Variants in CREB5 observed in about 807,000 individuals in gnomAD.
CREB5 encodes the protein cyclic AMP-responsive element-binding protein 5.
Under a neutral mutation model 57.1 loss-of-function variants are expected in CREB5, and 19 were observed. The observed-to-expected ratio is 0.33, with a 90% CI of 0.23 to 0.49. CREB5 has a LOEUF of 0.49. Among genes scored for constraint, CREB5 ranks in the 20% least tolerant of loss-of-function variants. The pLI, the probability that CREB5 is intolerant of heterozygous loss-of-function variation, is 0.99. For missense variants in CREB5, 579 were observed against 671.6 expected, an observed-to-expected ratio of 0.86 and a Z score of 1.52; for synonymous variants, 238 against 238.3, an observed-to-expected ratio of 1.00 and a Z score of 0.01.
intron 1 of CREB5, among the ~76,000 whole-genome samples, chr7:28,315,637 A>G (rs771775235): frequency 1.1e-4 from 16 of 152,304 alleles, no homozygotes; most frequent in Middle Eastern, 6.8e-3. Context: ...CCTCCCAGAA[A>G]GGGTTCTTTT....
At position 28,560,855 on chromosome 7, in the gene CREB5, TGTGCGTGTGCCTGCGTGCGCGTGCGTGC is replaced by T. The variant is rs1455703402; in HGVS notation, c.292-9500_292-9473del. 3.5e-5 allele frequency among the ~76,000 whole-genome samples: 2 copies of T among 56,388 alleles called. 1 individual carries two copies. Among genetic ancestry groups the T allele is most frequent in the Non-Finnish European group, 7.0e-5 (2 of 28,482 alleles). 37.0% of individuals were successfully genotyped at this position (56,388 alleles called of 152,430 possible). A position where few individuals can be genotyped will look rare whatever the true frequency, so the allele number is the denominator to read the frequency against. ...GCGCGTGTGTGTGTGCGCGTGTGTG[TGTGCGTGTGCCTGCGTGCGCGTGCGTGC>T]GTGCGTGTGTGTGCGTGCGCGCGTG... On this transcript the variant is annotated intron_variant, in intron 4 of 10. Coordinates refer to ENST00000357727, the MANE Select transcript of CREB5 (RefSeq NM_182898.4).
intron 1 of CREB5, among the ~76,000 whole-genome samples, chr7:28,418,754 C>T (rs1426006915): frequency 1.3e-5 from 2 of 152,138 alleles, no homozygotes; most frequent in Non-Finnish European, 1.5e-5. Flanking sequence ...TAAGAGATTG[C>T]CAAGGCTAGG....
intron 5 of CREB5, among the ~76,000 whole-genome samples, chr7:28,587,126 G>A (rs1429689247): frequency 2.0e-5 from 3 of 152,196 alleles, no homozygotes; most frequent in Admixed American, 6.5e-5. Flanking sequence ...TCTATACTTG[G>A]CTTCATTCCA....
At chr7:28,371,324 T>G (rs1177431717) in intron 1 of CREB5, among the ~76,000 whole-genome samples, 1 of 151,032 alleles carries the variant, frequency 6.6e-6, no homozygotes, top group Non-Finnish European at 1.5e-5. Context: ...CAAAAAAAAG[T>G]AAATAAATAA....
rs1041279781 is a variant in CREB5, at chr7:28,820,164, G to C, written c.*885G>C. 6.6e-6 allele frequency: 1 copy of C among 152,490 alleles called. No individual in the cohort carries two copies. Among genetic ancestry groups the C allele is most frequent in the African/African-American group, 2.4e-5 (1 of 41,430 alleles). 9.4% of individuals were successfully genotyped at this position (152,490 alleles called of 1,614,324 possible). On this transcript the variant is annotated 3_prime_UTR_variant, in exon 11 of 11. Coordinates refer to ENST00000357727, the MANE Select transcript of CREB5 (RefSeq NM_182898.4). ...TTAATAATCACAGCAAATGAAAGGT[G>C]GTTTAGTTATAAGTGAAGCATGGTT...
intron 4 of CREB5, among the ~76,000 whole-genome samples, chr7:28,515,930 G>T (rs1442415777): frequency 2.0e-5 from 3 of 151,382 alleles, no homozygotes; most frequent in African/African-American, 7.3e-5. Context: ...ATATGACCAG[G>T]TGTGGTGGCT....
chr7:28,334,642 G>A (rs1435151002), intron 1 of CREB5, among the ~76,000 whole-genome samples: 1 of 152,130 alleles, frequency 6.6e-6, no homozygotes, highest in African/African-American at 2.4e-5. Context: ...CTCCCATTCT[G>A]TGGGTTGTCT....
rs150397621 is a variant in CREB5, at chr7:28,468,750, T to G, written c.4-19425T>G. Among the ~76,000 whole-genome samples, 799 of 152,348 alleles carry G rather than the reference T, an allele frequency of 5.2e-3. 6 individuals are homozygous for G. The highest frequency in any genetic ancestry group is 0.018 in the African/African-American group (757 of 41,590). On this transcript the variant is annotated intron_variant, in intron 1 of 10. Coordinates refer to ENST00000357727, the MANE Select transcript of CREB5 (RefSeq NM_182898.4). ...ATCAAGAGCTAACATTTATTGAGAG[T>G]CAACCGCGTGCTAAATGCTTTATAG...
intron 7 of CREB5, among the ~76,000 whole-genome samples, chr7:28,739,487 T>C (rs1302979254): frequency 6.6e-6 from 1 of 152,220 alleles, no homozygotes; most frequent in Non-Finnish European, 1.5e-5. Flanking sequence ...CAAGTTATTT[T>C]TAAAAACATA....
chr7:28,665,868 G>A (rs1024161815), intron 5 of CREB5, among the ~76,000 whole-genome samples: 12 of 152,118 alleles, frequency 7.9e-5, no homozygotes, highest in South Asian at 6.2e-4. Context: ...GTTAACTTAC[G>A]CAAGTAGAAT....
At chr7:28,639,274 TAAAAC>T (rs1054517724) in intron 5 of CREB5, among the ~76,000 whole-genome samples, 18 of 152,324 alleles carry the variant, frequency 1.2e-4, no homozygotes, top group Non-Finnish European at 2.1e-4. Context: ...GGTCTCCTCT[TAAAAC>T]AGAACACAAC....
At position 28,820,454 on chromosome 7, in the gene CREB5, G is replaced by A. The variant is rs1296996938; in HGVS notation, c.*1175G>A. 6.1e-5 allele frequency: 9 copies of A among 147,130 alleles called. No homozygotes were observed. The Admixed American group carries it at 6.2e-4, about 10-fold the overall frequency. 9.1% of individuals were successfully genotyped at this position (147,130 alleles called of 1,614,324 possible). On this transcript the variant is annotated 3_prime_UTR_variant, in exon 11 of 11. Transcript: ENST00000357727. ...TTAAGCCTATGGAACCGGCTTTGCT[G>A]TTCTGGGGGGTGAAAATAGACTAAC...
chr7:28,399,418 TAAA>T (rs34901571), intron 1 of CREB5, among the ~76,000 whole-genome samples: 38 of 128,134 alleles, frequency 3.0e-4, no homozygotes, highest in Admixed American at 4.7e-4. Context: ...ATCATTCTGG[TAAA>T]AAAAAAAAAA....
At chr7:28,664,091 G>C (rs1313460009) in intron 5 of CREB5, among the ~76,000 whole-genome samples, 2 of 152,186 alleles carry the variant, frequency 1.3e-5, no homozygotes, top group Non-Finnish European at 2.9e-5. Context: ...TGATGCTGCT[G>C]GTCCCAGGAC....
At chr7:28,392,721 T>G (rs563323726) in intron 1 of CREB5, among the ~76,000 whole-genome samples, 40 of 152,286 alleles carry the variant, frequency 2.6e-4, no homozygotes, top group Admixed American at 6.5e-4. Context: ...CAAATCCTCA[T>G]TTTTATACAT....
chr7:28,676,025 T>C (rs936419863), intron 5 of CREB5, among the ~76,000 whole-genome samples: 3 of 152,174 alleles, frequency 2.0e-5, no homozygotes, highest in Non-Finnish European at 4.4e-5. Context: ...CTCTTCATTC[T>C]CCATGTCTTG....
intron 1 of CREB5, among the ~76,000 whole-genome samples, chr7:28,431,446 G>A (rs1486977289): frequency 1.3e-5 from 2 of 152,118 alleles, no homozygotes; most frequent in Non-Finnish European, 2.9e-5. Flanking sequence ...TGGCGTTAAA[G>A]CCTCCTAGAT....
In CREB5 at chr7:28,465,405, C is replaced by T. The variant is rs144699316; in HGVS notation, c.4-22770C>T. ...ATTCTTTGGAAATAACCCATAGGATCCAGAGCCTTCTAGAGCAATATTCTT... is the reference window on the plus strand; with the variant it reads ...ATTCTTTGGAAATAACCCATAGGATTCAGAGCCTTCTAGAGCAATATTCTT... On this transcript the variant is annotated intron_variant, in intron 1 of 10. Coordinates refer to ENST00000357727, the MANE Select transcript of CREB5 (RefSeq NM_182898.4). Among the ~76,000 whole-genome samples the T allele has an allele frequency of 5.0e-4, 76 of 152,232 alleles. No homozygotes were observed. The Middle Eastern group carries it at 0.01, about 20-fold the overall frequency.
chr7:28,445,630 C>T (rs970609720), intron 1 of CREB5, among the ~76,000 whole-genome samples: 12 of 152,116 alleles, frequency 7.9e-5, no homozygotes, highest in South Asian at 2.1e-4. Context: ...CGGCTCACTG[C>T]AAGCTCCGCC....
Sources: allele counts gnomAD v4.1 joint callset (sites outside exome capture counted in the v4.1 genomes callset), GRCh38; gene constraint gnomAD v4.1.1; transcripts MANE v1.5; gene names NCBI Gene and HGNC (gene_info 2026-07-23, HGNC 2026-07-21).